Variants in LYPD6B observed in about 807,000 individuals in gnomAD.
LYPD6B encodes ly6/PLAUR domain-containing protein 6B.
A neutral mutation model predicts 22.8 loss-of-function variants in LYPD6B; 17 were observed. That is an observed-to-expected ratio of 0.75 (90% CI 0.51 to 1.12). The LOEUF is 1.12. Ranked by LOEUF, LYPD6B falls within the 50% of genes most tolerant of loss-of-function variation. The pLI is 0.00. For missense variants in LYPD6B, 221 were observed against 258.3 expected (o/e 0.86, Z 0.99); for synonymous variants, 106 against 91.6 (o/e 1.16, Z -0.90).
At chr2:149,172,901 G>A (rs889923369) in intron 3 of LYPD6B, among the ~76,000 whole-genome samples, 2 of 151,880 alleles carry the variant, frequency 1.3e-5, no homozygotes, top group African/African-American at 2.4e-5. Context: ...AGCTCTCCAG[G>A]TCTTCAAACT....
intron 3 of LYPD6B, among the ~76,000 whole-genome samples, chr2:149,174,655 C>T (rs999248099): frequency 1.3e-5 from 2 of 151,950 alleles, no homozygotes. Context: ...TAGTTTTTGT[C>T]TTTAGTTCTG....
chr2:149,159,765 G>C (rs779345497), intron 2 of LYPD6B, among the ~76,000 whole-genome samples: 29 of 152,074 alleles, frequency 1.9e-4, no homozygotes, highest in Non-Finnish European at 3.5e-4. Context: ...TTGCAATCTT[G>C]AGTCCAAAGA....
At chr2:149,140,455 G>A (rs1308894821) in intron 2 of LYPD6B, among the ~76,000 whole-genome samples, 1 of 152,138 alleles carries the variant, frequency 6.6e-6, no homozygotes, top group African/African-American at 2.4e-5. Flanking sequence ...GAAGGTAAAT[G>A]GGAGAAGTCT....
chr2:149,111,239 G>T (rs1298165724), intron 1 of LYPD6B, among the ~76,000 whole-genome samples: 2 of 152,164 alleles, frequency 1.3e-5, no homozygotes, highest in Non-Finnish European at 2.9e-5. Context: ...AAACCATTTA[G>T]TGGTTTTGAG....
chr2:149,125,479 C>A (rs528405276), intron 1 of LYPD6B, among the ~76,000 whole-genome samples: 58 of 152,252 alleles, frequency 3.8e-4, no homozygotes, highest in African/African-American at 1.2e-3. Flanking sequence ...ACAAGTCAAC[C>A]TCTCCCCCAT....
intron 2 of LYPD6B, among the ~76,000 whole-genome samples, chr2:149,142,671 A>C (rs1382662987): frequency 6.6e-6 from 1 of 152,128 alleles, no homozygotes; most frequent in Non-Finnish European, 1.5e-5. Flanking sequence ...TCTTTAAAAA[A>C]AAAAGTTTTA....
Position 149,160,825 on chromosome 2 carries a change from T to G in LYPD6B, c.67T>G (p.Ser23Ala). 3.2e-6 allele frequency: 5 copies of G among 1,552,886 alleles called. No individual in the cohort carries two copies. Among genetic ancestry groups the G allele is most frequent in the Non-Finnish European group, 4.4e-6 (5 of 1,147,092 alleles). ...AGAGAGGAGCCTGACAACCACATTC[T>G]CCTTCTCAAGGTAAGAATGGCAGCT... Reference protein sequence around the residue: ...VPERSLTTTFSFSRYKSSDRP... With the variant: ...VPERSLTTTFAFSRYKSSDRP... Residue 23 changes from serine (S) to alanine (A), a missense_variant, in exon 3 of 7, where the codon TCC becomes GCC. Coordinates refer to ENST00000409642, the MANE Select transcript of LYPD6B (RefSeq NM_177964.5).
intron 1 of LYPD6B, among the ~76,000 whole-genome samples, chr2:149,079,773 G>T (rs1310763210): frequency 6.6e-6 from 1 of 152,128 alleles, no homozygotes; most frequent in Non-Finnish European, 1.5e-5. Context: ...TCCGGGATGT[G>T]CTTTAGCCCC....
chr2:149,143,338 T>TA (rs1354713473), intron 2 of LYPD6B, among the ~76,000 whole-genome samples: 2 of 151,820 alleles, frequency 1.3e-5, no homozygotes, highest in Admixed American at 6.6e-5. Flanking sequence ...TTCCAACTTT[T>TA]TTTTTTTAGG....
At chr2:149,132,787 A>T (rs1258495525) in intron 2 of LYPD6B, among the ~76,000 whole-genome samples, 1 of 152,184 alleles carries the variant, frequency 6.6e-6, no homozygotes, top group African/African-American at 2.4e-5. Context: ...TTAGTAGAAC[A>T]CTTTGGTAGC....
chr2:149,045,605 T>C (rs1683272237), intron 1 of LYPD6B, among the ~76,000 whole-genome samples: 1 of 152,140 alleles, frequency 6.6e-6, no homozygotes, highest in East Asian at 1.9e-4. Context: ...AATTTTCACT[T>C]AGTTTAAATA....
At chr2:149,118,581 G>A (rs569953750) in intron 1 of LYPD6B, among the ~76,000 whole-genome samples, 1 of 152,148 alleles carries the variant, frequency 6.6e-6, no homozygotes. Flanking sequence ...ACAAATCAGA[G>A]GGAGGCAAGA....
At chr2:149,098,403 T>C (rs540426614) in intron 1 of LYPD6B, among the ~76,000 whole-genome samples, 3 of 151,884 alleles carry the variant, frequency 2.0e-5, no homozygotes, top group Admixed American at 1.3e-4. Flanking sequence ...AGAGGGTGGG[T>C]AAACTGAGGT....
chr2:149,182,978 T>A (rs1035623368), intron 3 of LYPD6B, among the ~76,000 whole-genome samples: 2 of 152,192 alleles, frequency 1.3e-5, no homozygotes, highest in Admixed American at 1.3e-4. Flanking sequence ...TCATTTTGGA[T>A]CACAGAGAAA....
chr2:149,168,524 C>T (rs1017421983), intron 3 of LYPD6B, among the ~76,000 whole-genome samples: 5 of 152,150 alleles, frequency 3.3e-5, no homozygotes, highest in South Asian at 2.1e-4. Flanking sequence ...TGTCTAAATA[C>T]GACAAGCCCA....
intron 1 of LYPD6B, among the ~76,000 whole-genome samples, chr2:149,075,565 T>C (rs574209628): frequency 6.6e-6 from 1 of 152,304 alleles, no homozygotes; most frequent in Non-Finnish European, 1.5e-5. Flanking sequence ...GTCAAACTTC[T>C]CTTGGAGAAA....
intron 2 of LYPD6B, among the ~76,000 whole-genome samples, chr2:149,143,695 AT>A (rs976027632): frequency 7.9e-5 from 12 of 152,158 alleles, no homozygotes; most frequent in African/African-American, 2.4e-4. Context: ...ACAGAGTTTA[AT>A]TGTTTTTAAA....
intron 1 of LYPD6B, among the ~76,000 whole-genome samples, chr2:149,115,750 A>G (rs1686974331): frequency 1.3e-5 from 2 of 152,240 alleles, no homozygotes; most frequent in East Asian, 1.9e-4. Flanking sequence ...AAATAGACCA[A>G]TATATCAGTC....
At chr2:149,208,548 G>A (rs904059346) in intron 5 of LYPD6B, 136 bp downstream of exon 5, 3 of 650,600 alleles carry the variant, frequency 4.6e-6, no homozygotes, top group Non-Finnish European at 7.8e-6. Flanking sequence ...AGAGTTCTTG[G>A]AAACTGGTGT....
Sources: gnomAD v4.1 joint callset for allele counts (sites outside exome capture counted in the v4.1 genomes callset) on GRCh38, gnomAD v4.1.1 for gene constraint, MANE v1.5 for transcripts, NCBI Gene and HGNC (gene_info 2026-07-23, HGNC 2026-07-21) for gene names.